RNLS: variants seen among roughly 807,000 people sequenced by gnomAD.
The protein encoded by RNLS is renalase.
RNLS carries 39 observed loss-of-function variants against 39.8 expected under a neutral mutation model. The observed-to-expected ratio is 0.98, with a 90% CI of 0.76 to 1.28. The LOEUF (loss-of-function observed/expected upper bound fraction) is 1.28, where lower values mean the gene tolerates loss of function less well. Among genes scored for constraint, RNLS ranks in the 50% most tolerant of loss-of-function variants. The pLI, the probability that RNLS is intolerant of heterozygous loss-of-function variation, is 0.00. For synonymous variants in RNLS, 147 were observed against 150.7 expected (o/e 0.98, Z 0.18); for missense variants, 410 against 413.3 (o/e 0.99, Z 0.07).
chr10:88,269,052 A>G (rs1763883833), downstream of RNLS, among the ~76,000 whole-genome samples: 1 of 152,218 alleles, frequency 6.6e-6, no homozygotes, highest in African/African-American at 2.4e-5. Context: ...CAATCAACAA[A>G]TGTTCACTAG....
chr10:88,188,381 C>T, the RNLS span, among the ~76,000 whole-genome samples: 8 of 152,150 alleles, frequency 5.3e-5, no homozygotes, highest in Non-Finnish European at 7.3e-5. Flanking sequence ...ATCTTAAAGC[C>T]GGCAGCATTA....
At chr10:88,336,484 A>G (rs758543692) in intron 5 of RNLS, among the ~76,000 whole-genome samples, 2 of 152,222 alleles carry the variant, frequency 1.3e-5, no homozygotes, top group Non-Finnish European at 2.9e-5. Flanking sequence ...GTTAAATATA[A>G]ACAAGTGTGT....
intron 4 of RNLS, among the ~76,000 whole-genome samples, chr10:88,477,407 G>C (rs947927644): frequency 2.0e-5 from 3 of 152,114 alleles, no homozygotes; most frequent in African/African-American, 7.2e-5. Flanking sequence ...CAGGGAAGGA[G>C]AGAAAGATGG....
intron 4 of RNLS, among the ~76,000 whole-genome samples, chr10:88,431,292 T>C (rs778104273): frequency 6.6e-6 from 1 of 151,708 alleles, no homozygotes; most frequent in African/African-American, 2.4e-5. Context: ...TGTGTAGATA[T>C]ACCAGTATCT....
chr10:88,582,934 T>G lies in RNLS; in HGVS notation c.118+139A>C, dbSNP rs1196913037. The stretch of plus-strand genomic sequence containing the variant: ...GTGACGAGGCGCGCCACTCGGCGCA[T>G]GGGCCGCGCTACACGGCCGCTCAGG... On this transcript the variant is annotated intron_variant, in intron 1 of 6. Coordinates refer to ENST00000331772, the MANE Select transcript of RNLS (RefSeq NM_001031709.3). 5 of 965,304 alleles carry G rather than the reference T, an allele frequency of 5.2e-6. No individual in the cohort carries two copies. In the South Asian group the frequency reaches 6.2e-5, roughly 12 times the overall value. The allele number at this position is 965,304 out of a possible 1,614,324, so 59.8% of individuals were successfully genotyped here.
At chr10:88,490,104 T>A (rs963561102) in intron 4 of RNLS, among the ~76,000 whole-genome samples, 1 of 152,212 alleles carries the variant, frequency 6.6e-6, no homozygotes, top group African/African-American at 2.4e-5. Flanking sequence ...TGTAAAATGC[T>A]AATTTCAATT....
intron 4 of RNLS, among the ~76,000 whole-genome samples, chr10:88,437,864 T>C (rs1372268561): frequency 6.6e-6 from 1 of 152,032 alleles, no homozygotes; most frequent in Admixed American, 6.6e-5. Context: ...TGGTGGCTCA[T>C]GCCTGTAATC....
chr10:88,476,071 G>A (rs1405425792), intron 4 of RNLS, among the ~76,000 whole-genome samples: 2 of 152,122 alleles, frequency 1.3e-5, no homozygotes, highest in Admixed American at 6.6e-5. Flanking sequence ...TCACAATGCA[G>A]ATCCTGGGAG....
At chr10:88,438,031 C>T (rs1589792222) in intron 4 of RNLS, among the ~76,000 whole-genome samples, 1 of 150,326 alleles carries the variant, frequency 6.7e-6, no homozygotes, top group African/African-American at 2.5e-5. Context: ...GAGGCTGAGA[C>T]AGGAGAATCA....
At chr10:88,236,741 A>C in the RNLS span, among the ~76,000 whole-genome samples, 7 of 152,242 alleles carry the variant, frequency 4.6e-5, no homozygotes, top group African/African-American at 1.7e-4. Context: ...GCCTGTGCAG[A>C]TAAAGCAGAC....
At chr10:88,199,898 G>A in the RNLS span, among the ~76,000 whole-genome samples, 2 of 152,188 alleles carry the variant, frequency 1.3e-5, no homozygotes, top group Non-Finnish European at 2.9e-5. Context: ...GGAAACTAAG[G>A]CAGGAGGATC....
At chr10:88,529,847 C>T (rs1488667240) in intron 4 of RNLS, among the ~76,000 whole-genome samples, 2 of 152,158 alleles carry the variant, frequency 1.3e-5, no homozygotes, top group African/African-American at 4.8e-5. Context: ...CAAAATAGAT[C>T]TGAAGTCCTC....
intron 4 of RNLS, among the ~76,000 whole-genome samples, chr10:88,408,556 G>A (rs897845228): frequency 6.6e-6 from 1 of 152,016 alleles, no homozygotes; most frequent in African/African-American, 2.4e-5. Context: ...ACAGGTGTAA[G>A]CCACTGCACC....
chr10:88,328,383 T>C (rs910341393), intron 5 of RNLS, among the ~76,000 whole-genome samples: 2 of 152,218 alleles, frequency 1.3e-5, no homozygotes, highest in Non-Finnish European at 2.9e-5. Flanking sequence ...TATATCTAAG[T>C]TAGGTTAATA....
rs141211402 is a variant in RNLS, at chr10:88,450,586, C to T, written c.527-87861G>A. 4.0e-3 allele frequency among the ~76,000 whole-genome samples: 602 copies of T among 152,160 alleles called. 1 individual carries two copies. Among genetic ancestry groups the T allele is most frequent in the Non-Finnish European group, 6.7e-3 (456 of 68,006 alleles). On this transcript the variant is annotated intron_variant, in intron 4 of 6. Transcript: ENST00000331772. ...GATACCAATACATAGTGGTACAGAC[C>T]ACATAAAACTGTCATTGGTCAGTGA...
intron 4 of RNLS, among the ~76,000 whole-genome samples, chr10:88,485,504 G>A (rs1299446689): frequency 6.6e-6 from 1 of 151,578 alleles, no homozygotes; most frequent in African/African-American, 2.4e-5. Flanking sequence ...AAAACTTCTT[G>A]AAGAAAAGTT....
intron 4 of RNLS, among the ~76,000 whole-genome samples, chr10:88,480,053 A>C (rs920216455): frequency 2.6e-5 from 4 of 152,076 alleles, no homozygotes; most frequent in Admixed American, 2.6e-4. Context: ...ATATTCTTAA[A>C]TTACTGAGTT....
intron 3 of RNLS, among the ~76,000 whole-genome samples, chr10:88,579,587 C>T (rs922885444): frequency 7.9e-5 from 12 of 152,130 alleles, no homozygotes; most frequent in East Asian, 7.7e-4. Context: ...CATGCATGCA[C>T]GCATATCAGT....
At chr10:88,187,148 AT>A in the RNLS span, among the ~76,000 whole-genome samples, 1 of 139,482 alleles carries the variant, frequency 7.2e-6, no homozygotes, top group Admixed American at 7.5e-5. Context: ...CTCAAAAAAT[AT>A]ATATATATAA....
Sources: gnomAD v4.1 joint callset for allele counts (sites outside exome capture counted in the v4.1 genomes callset) on GRCh38, gnomAD v4.1.1 for gene constraint, MANE v1.5 for transcripts, NCBI Gene and HGNC (gene_info 2026-07-23, HGNC 2026-07-21) for gene names.